The following SORCS3 variants were observed in gnomAD, a reference collection of about 807,000 sequenced individuals.
The protein encoded by SORCS3 is VPS10 domain-containing receptor SorCS3.
A neutral mutation model predicts 146.3 loss-of-function variants in SORCS3; 57 were observed. That is an observed-to-expected ratio of 0.39 (90% confidence interval 0.31 to 0.49). SORCS3 has a LOEUF of 0.49. SORCS3 is among the 20% of genes least tolerant of loss of function. The pLI is 0.92. For synonymous variants in SORCS3, 653 were observed against 618.5 expected, an observed-to-expected ratio of 1.06 and a Z score of -0.83; for missense variants, 1,341 against 1,575.5, an observed-to-expected ratio of 0.85 and a Z score of 2.52.
chr10:104,880,785 C>CT (rs2018622803), intron 2 of SORCS3, among the ~76,000 whole-genome samples: 1 of 152,138 alleles, frequency 6.6e-6, no homozygotes, highest in Admixed American at 6.5e-5. Flanking sequence ...TGCAGATAAG[C>CT]ACAGAGGTAG....
intron 4 of SORCS3, among the ~76,000 whole-genome samples, chr10:104,979,459 A>G (rs577981847): frequency 3.3e-5 from 5 of 152,316 alleles, no homozygotes; most frequent in African/African-American, 1.2e-4. Flanking sequence ...ACATAGAGAT[A>G]TCCACAGAAC....
intron 6 of SORCS3, among the ~76,000 whole-genome samples, chr10:105,095,275 G>T (rs768533636): frequency 1.3e-5 from 2 of 152,160 alleles, no homozygotes; most frequent in Non-Finnish European, 2.9e-5. Flanking sequence ...ATTTAGGAAT[G>T]ATTCTGAGAA....
rs544645480 is a variant in SORCS3, at chr10:104,705,185, G to A, written c.627+63231G>A. Reference sequence around the variant, plus strand: ...TTATTTTAACTTAAAGTTTAGAGATGTGTATTTATTTGCTCATCTTTTGAT... The same window carrying A: ...TTATTTTAACTTAAAGTTTAGAGATATGTATTTATTTGCTCATCTTTTGAT... On this transcript the variant is annotated intron_variant, in intron 1 of 26. Coordinates refer to ENST00000369701, the MANE Select transcript of SORCS3 (RefSeq NM_014978.3). Among the ~76,000 whole-genome samples the A allele has an allele frequency of 9.6e-5, 14 of 146,372 alleles. No homozygotes were observed. The South Asian group carries it at 3.0e-3, about 31-fold the overall frequency.
intron 7 of SORCS3, among the ~76,000 whole-genome samples, chr10:105,117,308 T>A (rs1402877597): frequency 2.0e-5 from 3 of 152,174 alleles, no homozygotes; most frequent in Non-Finnish European, 4.4e-5. Context: ...ACTCAGGCTT[T>A]ACTTTTGGGG....
chr10:105,256,683 A>G (rs2056933363), intron 24 of SORCS3, 136 bp from the exon 25 acceptor site: 1 of 650,974 alleles, frequency 1.5e-6, no homozygotes, highest in East Asian at 2.7e-5. Flanking sequence ...CTGCACCCAG[A>G]TATCAGGCAG....
rs1237706167 is a variant in SORCS3 at position 104,643,738 on chromosome 10, G to GTGTGTGTGTGTT, written c.627+1791_627+1792insGTGTTTGTGTGT. ...TGTGTGTGTGTGTGTGTGTGTGTGT[G>GTGTGTGTGTGTT]TGTGTGTTGGGGTTCTTACTTGGTG... On this transcript the variant is annotated intron_variant, in intron 1 of 26. Transcript: ENST00000369701. Among the ~76,000 whole-genome samples the GTGTGTGTGTGTT allele has an allele frequency of 4.1e-3, 616 of 151,746 alleles. 5 individuals carry two copies. The highest frequency in any genetic ancestry group is 0.014 in the African/African-American group (563 of 41,166).
At chr10:105,037,937 C>G (rs1461251521) in intron 4 of SORCS3, among the ~76,000 whole-genome samples, 2 of 152,170 alleles carry the variant, frequency 1.3e-5, no homozygotes, top group Non-Finnish European at 2.9e-5. Context: ...CTATCAGATG[C>G]TTTTCTCTGG....
chr10:104,843,975 C>A (rs1014578043), intron 2 of SORCS3, among the ~76,000 whole-genome samples: 1 of 152,170 alleles, frequency 6.6e-6, no homozygotes, highest in African/African-American at 2.4e-5. Context: ...GGTTTTGGAG[C>A]AGAGGGGACT....
intron 1 of SORCS3, among the ~76,000 whole-genome samples, chr10:104,781,040 G>A (rs907789994): frequency 6.6e-6 from 1 of 152,164 alleles, no homozygotes; most frequent in Non-Finnish European, 1.5e-5. Context: ...GGAAAGTATT[G>A]TCATACCAGT....
At chr10:105,117,009 A>C (rs1438313932) in intron 7 of SORCS3, among the ~76,000 whole-genome samples, 1 of 151,822 alleles carries the variant, frequency 6.6e-6, no homozygotes, top group East Asian at 1.9e-4. Flanking sequence ...TATATAACAA[A>C]CCTGTGCATG....
chr10:105,110,925 C>T (rs1430520558), intron 7 of SORCS3, among the ~76,000 whole-genome samples: 1 of 152,110 alleles, frequency 6.6e-6, no homozygotes, highest in African/African-American at 2.4e-5. Context: ...AGTCACAGGG[C>T]TAAATCAATA....
chr10:104,985,667 G>A (rs2054957896), intron 4 of SORCS3, among the ~76,000 whole-genome samples: 1 of 152,130 alleles, frequency 6.6e-6, no homozygotes, highest in Non-Finnish European at 1.5e-5. Context: ...AGACTTGAAA[G>A]TTGAAATTTC....
intron 7 of SORCS3, among the ~76,000 whole-genome samples, chr10:105,120,806 T>G (rs1221553342): frequency 6.6e-6 from 1 of 152,184 alleles, no homozygotes; most frequent in Non-Finnish European, 1.5e-5. Flanking sequence ...TAAATTGTTT[T>G]CATTTTATGT....
chr10:105,232,019 A>G (rs1021516400), intron 20 of SORCS3, among the ~76,000 whole-genome samples: 5 of 151,942 alleles, frequency 3.3e-5, no homozygotes, highest in Non-Finnish European at 7.4e-5. Flanking sequence ...GGTATTTGGT[A>G]TTTGGTTGAT....
intron 4 of SORCS3, among the ~76,000 whole-genome samples, chr10:105,021,854 A>G (rs753084990): frequency 5.3e-5 from 8 of 152,216 alleles, no homozygotes; most frequent in Non-Finnish European, 1.2e-4. Context: ...CAAGCTTCCT[A>G]TTCTAGCAAC....
At chr10:105,177,817 G>C (rs2056416728) in intron 13 of SORCS3, among the ~76,000 whole-genome samples, 1 of 151,906 alleles carries the variant, frequency 6.6e-6, no homozygotes, top group African/African-American at 2.4e-5. Context: ...CTCCTGCTTG[G>C]GCTGTTTGTC....
At chr10:104,960,088 G>A (rs1364940569) in intron 3 of SORCS3, among the ~76,000 whole-genome samples, 1 of 152,140 alleles carries the variant, frequency 6.6e-6, no homozygotes, top group Non-Finnish European at 1.5e-5. Context: ...CATCAGTTGA[G>A]TTCTAAGGAA....
chr10:104,742,730 A>G (rs1163435742), intron 1 of SORCS3, among the ~76,000 whole-genome samples: 1 of 152,174 alleles, frequency 6.6e-6, no homozygotes, highest in Admixed American at 6.5e-5. Flanking sequence ...TGACAACTGA[A>G]CCAGTCAAAG....
intron 3 of SORCS3, among the ~76,000 whole-genome samples, chr10:104,969,303 TTGTGTGTGTGTG>T (rs59557629): frequency 1.8e-4 from 25 of 140,658 alleles, no homozygotes; most frequent in East Asian, 8.6e-4. Context: ...TCAAAAAGGA[TTGTGTGTGTGTG>T]TGTGTGTGTG....
Sources: gnomAD v4.1 joint callset for allele counts (sites outside exome capture counted in the v4.1 genomes callset) on GRCh38, gnomAD v4.1.1 for gene constraint, MANE v1.5 for transcripts, NCBI Gene and HGNC (gene_info 2026-07-23, HGNC 2026-07-21) for gene names.